The following MBD5 variants were observed in gnomAD, a reference collection of about 807,000 sequenced individuals.
The protein encoded by MBD5 is methyl-CpG-binding domain protein 5.
Under a neutral mutation model 117.3 loss-of-function variants are expected in MBD5, and 13 were observed. That is an observed-to-expected ratio of 0.11 (90% CI 0.07 to 0.18). MBD5 has a LOEUF of 0.18. Ranked by LOEUF, MBD5 falls within the 10% of genes least tolerant of loss-of-function variation. The pLI is 1.00. For synonymous variants in MBD5, 727 were observed against 766.4 expected, an observed-to-expected ratio of 0.95 and a Z score of 0.85; for missense variants, 1,879 against 2,093.8, an observed-to-expected ratio of 0.90 and a Z score of 2.00.
At chr2:148,292,810 G>A (rs1272040359) in intron 3 of MBD5, among the ~76,000 whole-genome samples, 2 of 151,912 alleles carry the variant, frequency 1.3e-5, no homozygotes, top group East Asian at 1.9e-4. Flanking sequence ...CTAGAGATTC[G>A]GGAGCAAGCT....
intron 1 of MBD5, among the ~76,000 whole-genome samples, chr2:148,154,197 C>T (rs1371980593): frequency 6.6e-6 from 1 of 150,650 alleles, no homozygotes. Flanking sequence ...AGTACCCTGC[C>T]GTGTGAGGTG....
At chr2:148,083,911 C>T (rs1275595719) in intron 1 of MBD5, among the ~76,000 whole-genome samples, 1 of 152,186 alleles carries the variant, frequency 6.6e-6, no homozygotes, top group African/African-American at 2.4e-5. Flanking sequence ...CAGGCATGAG[C>T]CACTGCACCT....
chr2:148,474,804 G>A (rs1680907351), intron 8 of MBD5, among the ~76,000 whole-genome samples: 2 of 152,084 alleles, frequency 1.3e-5, no homozygotes, highest in African/African-American at 4.8e-5. Context: ...CATTAATATG[G>A]TAGGTATAAG....
intron 1 of MBD5, among the ~76,000 whole-genome samples, chr2:148,043,080 G>A (rs1302518223): frequency 6.6e-6 from 1 of 151,984 alleles, no homozygotes; most frequent in Non-Finnish European, 1.5e-5. Context: ...GGAATCACCT[G>A]AGTTGCATAT....
intron 3 of MBD5, among the ~76,000 whole-genome samples, chr2:148,289,676 A>T (rs1052653140): frequency 5.9e-5 from 9 of 152,234 alleles, no homozygotes; most frequent in Non-Finnish European, 1.3e-4. Flanking sequence ...TAAATGGTAA[A>T]CAGTAGTGAA....
chr2:148,280,003 T>C (rs1051206080), intron 3 of MBD5, among the ~76,000 whole-genome samples: 1 of 148,966 alleles, frequency 6.7e-6, no homozygotes, highest in Non-Finnish European at 1.5e-5. Context: ...TTTTCTTCAC[T>C]TTTTTTCCTC....
At chr2:148,460,378 A>G (rs753162535) in intron 5 of MBD5, 33 of 152,204 alleles carry the variant, frequency 2.2e-4, no homozygotes, top group Non-Finnish European at 3.7e-4. Context: ...TGGGTTCTCC[A>G]ACTTCAAATC....
At chr2:148,170,476 TTGAC>T (rs1195976212) in intron 1 of MBD5, among the ~76,000 whole-genome samples, 10 of 152,246 alleles carry the variant, frequency 6.6e-5, no homozygotes, top group Admixed American at 1.3e-4. Flanking sequence ...TTTTAATTCA[TTGAC>T]TGTTTGATTT....
chr2:148,441,798 C>A (rs570585478), intron 4 of MBD5, among the ~76,000 whole-genome samples: 1 of 152,024 alleles, frequency 6.6e-6, no homozygotes, highest in African/African-American at 2.4e-5. Context: ...GATCGCCATT[C>A]TAACTGGTGT....
At chr2:148,283,804 AAGTT>A (rs1701305576) in intron 3 of MBD5, among the ~76,000 whole-genome samples, 1 of 152,210 alleles carries the variant, frequency 6.6e-6, no homozygotes, top group South Asian at 2.1e-4. Context: ...CCCAGAAAAA[AAGTT>A]AGCACACAAA....
chr2:148,231,258 A>G lies in MBD5; in HGVS notation c.-830-1987A>G, dbSNP rs368399386. ...GGGATTGGCGATTCCTTTCTGGCTAAACAGGCCTGGTTAAAATGCTCCTTT... is the reference window on the plus strand; with the variant it reads ...GGGATTGGCGATTCCTTTCTGGCTAGACAGGCCTGGTTAAAATGCTCCTTT... On this transcript the variant is annotated intron_variant, in intron 2 of 13. Transcript: ENST00000642680. Among the ~76,000 whole-genome samples, 4 of 152,248 alleles carry G rather than the reference A, an allele frequency of 2.6e-5. 1 individual carries two copies. Among genetic ancestry groups the G allele is most frequent in the African/African-American group, 9.6e-5 (4 of 41,564 alleles).
At chr2:148,303,590 A>C (rs1301895908) in intron 3 of MBD5, among the ~76,000 whole-genome samples, 1 of 152,266 alleles carries the variant, frequency 6.6e-6, no homozygotes, top group Admixed American at 6.5e-5. Flanking sequence ...ATGAATAAGA[A>C]AAAATAAAAG....
chr2:148,024,067 A>G (rs772868872), intron 1 of MBD5, among the ~76,000 whole-genome samples: 7 of 152,180 alleles, frequency 4.6e-5, no homozygotes, highest in Non-Finnish European at 7.3e-5. Flanking sequence ...GATGCTCACT[A>G]TGCTGCACTA....
intron 4 of MBD5, among the ~76,000 whole-genome samples, chr2:148,448,323 T>C (rs1706629049): frequency 6.6e-6 from 1 of 152,076 alleles, no homozygotes. Context: ...TATTAGACTG[T>C]AGTTATCTTG....
intron 1 of MBD5, among the ~76,000 whole-genome samples, chr2:148,038,222 C>T (rs1362490309): frequency 1.3e-5 from 2 of 151,996 alleles, no homozygotes; most frequent in Admixed American, 6.6e-5. Context: ...TCAGTGTAGT[C>T]TATATAACAG....
intron 5 of MBD5, among the ~76,000 whole-genome samples, chr2:148,459,843 A>T (rs1365336222): frequency 6.6e-6 from 1 of 152,148 alleles, no homozygotes; most frequent in East Asian, 1.9e-4. Context: ...TGTTGTGTGT[A>T]AGGCGTTTCT....
intron 1 of MBD5, among the ~76,000 whole-genome samples, chr2:148,070,195 A>G (rs1490040940): frequency 6.6e-6 from 1 of 152,168 alleles, no homozygotes; most frequent in Non-Finnish European, 1.5e-5. Flanking sequence ...GACTGAGAGC[A>G]TGTCATGTTT....
At chr2:148,431,582 C>CTGTTATCCACGTGTTCTCA (rs1190327515) in intron 4 of MBD5, among the ~76,000 whole-genome samples, 2 of 152,098 alleles carry the variant, frequency 1.3e-5, no homozygotes, top group Non-Finnish European at 2.9e-5. Context: ...TGTTGTTCTT[C>CTGTTATCCACGTGTTCTCA]TGTTATCCAC....
At chr2:148,259,985 C>T (rs957764546) in intron 3 of MBD5, among the ~76,000 whole-genome samples, 1 of 152,170 alleles carries the variant, frequency 6.6e-6, no homozygotes, top group South Asian at 2.1e-4. Context: ...TTCTTATTAG[C>T]GAGGGGTTTA....
Sources: gnomAD v4.1 joint callset for allele counts (sites outside exome capture counted in the v4.1 genomes callset) on GRCh38, gnomAD v4.1.1 for gene constraint, MANE v1.5 for transcripts, NCBI Gene and HGNC (gene_info 2026-07-23, HGNC 2026-07-21) for gene names.